CACNA1C: variants seen among roughly 807,000 people sequenced by gnomAD.
CACNA1C encodes the protein voltage-dependent L-type calcium channel subunit alpha-1C.
In CACNA1C, 30 loss-of-function variants were observed where a neutral mutation model predicts 229.0. The observed-to-expected ratio is 0.13, with a 90% CI of 0.10 to 0.18. CACNA1C has a LOEUF of 0.18. Among genes scored for constraint, CACNA1C ranks in the 10% least tolerant of loss-of-function variants. The probability of loss-of-function intolerance (pLI) is 1.00; values close to 1 mark genes in which losing one functional copy is unlikely to be tolerated. For synonymous variants in CACNA1C, 1,114 were observed against 1,132.5 expected, an observed-to-expected ratio of 0.98 and a Z score of 0.33; for missense variants, 1,658 against 2,845.0, an observed-to-expected ratio of 0.58 and a Z score of 9.49.
chr12:2,086,934 T>C (rs1336312317), intron 1 of CACNA1C, among the ~76,000 whole-genome samples: 2 of 152,164 alleles, frequency 1.3e-5, no homozygotes, highest in Non-Finnish European at 2.9e-5. Context: ...CAGATATTTG[T>C]GAGCATGAAC....
At chr12:2,221,530 C>T (rs964067234) in intron 3 of CACNA1C, 2 of 152,222 alleles carry the variant, frequency 1.3e-5, no homozygotes, top group Non-Finnish European at 2.9e-5. Flanking sequence ...TCAGAATAAA[C>T]ATCAACAGTG....
chr12:2,477,882 A>T (rs773106111), intron 5 of CACNA1C, among the ~76,000 whole-genome samples: 5 of 151,678 alleles, frequency 3.3e-5, no homozygotes, highest in Non-Finnish European at 5.9e-5. Context: ...AAATTATCTT[A>T]ATTTGAGTGT....
At chr12:2,592,204 A>G (rs1020683184) in intron 18 of CACNA1C, among the ~76,000 whole-genome samples, 1 of 152,208 alleles carries the variant, frequency 6.6e-6, no homozygotes, top group Admixed American at 6.5e-5. Context: ...ACTGAGAAAG[A>G]TGTTGAGCAT....
At chr12:2,004,259 T>A (rs1593490527) in intron 1 of CACNA1C, 1 of 1,612,380 alleles carries the variant, frequency 6.2e-7, no homozygotes, top group East Asian at 2.2e-5. Flanking sequence ...TGGGCTGCAC[T>A]GCTCCGCCGC....
At chr12:2,089,303 T>A (rs1370338266) in intron 1 of CACNA1C, among the ~76,000 whole-genome samples, 3 of 152,180 alleles carry the variant, frequency 2.0e-5, no homozygotes, top group African/African-American at 7.2e-5. Flanking sequence ...AGACTAAGCA[T>A]CCCTTTGGAA....
chr12:2,077,909 A>T (rs2063829162), intron 1 of CACNA1C, among the ~76,000 whole-genome samples: 1 of 152,234 alleles, frequency 6.6e-6, no homozygotes, highest in Non-Finnish European at 1.5e-5. Context: ...CTACTTGCAT[A>T]CTATAGGAAA....
intron 3 of CACNA1C, among the ~76,000 whole-genome samples, chr12:2,202,926 A>G (rs2097639345): frequency 6.6e-6 from 1 of 152,152 alleles, no homozygotes; most frequent in Non-Finnish European, 1.5e-5. Flanking sequence ...TCTCTTCTCT[A>G]TGAAGAGATG....
chr12:2,375,357 G>A (rs991376768), intron 3 of CACNA1C, among the ~76,000 whole-genome samples: 1 of 152,156 alleles, frequency 6.6e-6, no homozygotes, highest in Non-Finnish European at 1.5e-5. Context: ...AATGATGCCC[G>A]GTGTCGTGGC....
At chr12:2,023,882 A>T (rs952134182) in intron 1 of CACNA1C, among the ~76,000 whole-genome samples, 5 of 152,252 alleles carry the variant, frequency 3.3e-5, no homozygotes, top group African/African-American at 1.2e-4. Flanking sequence ...GACTTCATTC[A>T]GATTATGAAT....
chr12:2,381,044 C>T (rs575079505), intron 3 of CACNA1C, among the ~76,000 whole-genome samples: 23 of 152,322 alleles, frequency 1.5e-4, no homozygotes, highest in East Asian at 5.8e-4. Flanking sequence ...AAGGTCTCCA[C>T]GTCCATGGCC....
In CACNA1C at chr12:2,633,964, G is replaced by C. The variant is rs1403722234; in HGVS notation, c.3829-333G>C. Among the ~76,000 whole-genome samples, 1 of 152,144 alleles carries C rather than the reference G, an allele frequency of 6.6e-6. No individual in the cohort carries two copies. Among genetic ancestry groups the C allele is most frequent in the Admixed American group, 6.5e-5 (1 of 15,288 alleles). On this transcript the variant is annotated intron_variant, in intron 29 of 46. Transcript: ENST00000399655. The surrounding 1 kb of genome is among the most constrained non-coding windows in gnomAD (Gnocchi z 5.8). Reference sequence around the variant, plus strand: ...CGCTGCCGGGCTGGGGCGTGGAGCTGAGCAGAGGGAGTGGCGGTGCAGGGG... The same window carrying C: ...CGCTGCCGGGCTGGGGCGTGGAGCTCAGCAGAGGGAGTGGCGGTGCAGGGG...
intron 3 of CACNA1C, among the ~76,000 whole-genome samples, chr12:2,262,495 G>A (rs1193304917): frequency 6.6e-6 from 1 of 152,214 alleles, no homozygotes; most frequent in East Asian, 1.9e-4. Context: ...GGCCAAGACG[G>A]TGTCTTCAGC....
chr12:2,138,758 C>A (rs1033473132), intron 3 of CACNA1C, among the ~76,000 whole-genome samples: 8 of 151,146 alleles, frequency 5.3e-5, no homozygotes, highest in African/African-American at 1.2e-4. Flanking sequence ...TAGAGCCATG[C>A]CTCTTGTGCG....
At chr12:2,198,794 A>G (rs1343669331) in intron 3 of CACNA1C, among the ~76,000 whole-genome samples, 2 of 152,006 alleles carry the variant, frequency 1.3e-5, no homozygotes, top group Non-Finnish European at 2.9e-5. Flanking sequence ...CCTCATTCCC[A>G]CCACATCAGA....
intron 9 of CACNA1C, among the ~76,000 whole-genome samples, chr12:2,516,233 C>T (rs889976654): frequency 6.6e-6 from 1 of 152,030 alleles, no homozygotes; most frequent in Non-Finnish European, 1.5e-5. Context: ...TGAGAAGGGG[C>T]CACGCTGATG....
intron 5 of CACNA1C, among the ~76,000 whole-genome samples, chr12:2,468,277 A>G (rs574445793): frequency 6.6e-5 from 10 of 152,358 alleles, no homozygotes; most frequent in African/African-American, 2.2e-4. Context: ...GTGCTAAGGC[A>G]CACACACATT....
At chr12:2,318,020 C>T (rs1025746712) in intron 3 of CACNA1C, among the ~76,000 whole-genome samples, 12 of 152,142 alleles carry the variant, frequency 7.9e-5, no homozygotes, top group Non-Finnish European at 1.5e-4. Context: ...CAGAGGCAGA[C>T]GGGGAGAGCA....
At chr12:1,988,448 T>C (rs1053863657) in intron 1 of CACNA1C, among the ~76,000 whole-genome samples, 1 of 152,202 alleles carries the variant, frequency 6.6e-6, no homozygotes, top group African/African-American at 2.4e-5. Flanking sequence ...GAGTACATAT[T>C]ACCATTCTGC....
At chr12:2,641,456 G>C in intron 30 of CACNA1C, 1 of 503,392 alleles carries the variant, frequency 2.0e-6, no homozygotes, top group Non-Finnish European at 3.6e-6. Context: ...ATCAAGTTCC[G>C]TGGTCTCAGG....
Sources: allele counts gnomAD v4.1 joint callset (sites outside exome capture counted in the v4.1 genomes callset), GRCh38; gene constraint gnomAD v4.1.1; non-coding constraint Gnocchi (gnomAD v3.1); transcripts MANE v1.5; gene names NCBI Gene and HGNC (gene_info 2026-07-23, HGNC 2026-07-21).